The following ERBB4 variants were observed in gnomAD, a reference collection of about 807,000 sequenced individuals.
The protein encoded by ERBB4 is receptor tyrosine-protein kinase erbB-4.
In ERBB4, 42 loss-of-function variants were observed where a neutral mutation model predicts 158.0. The observed-to-expected ratio is 0.27, with a 90% CI of 0.21 to 0.34. The LOEUF (loss-of-function observed/expected upper bound fraction) is 0.34. Ranked by LOEUF, ERBB4 falls within the 10% of genes least tolerant of loss-of-function variation. The pLI is 1.00. For missense variants in ERBB4, 1,333 were observed against 1,624.1 expected (o/e 0.82, Z 3.08); for synonymous variants, 583 against 558.7 (o/e 1.04, Z -0.61).
At position 211,383,309 on chromosome 2, in the gene ERBB4, A is replaced by G. The variant is rs1047555351; in HGVS notation, c.*306T>C. ...AAGAAAAAGAAAAAGAAAAAAAGTG[A>G]CAGCTAGTTTGATAGTAGGCAGCAT... On this transcript the variant is annotated 3_prime_UTR_variant, in exon 28 of 28. Transcript: ENST00000342788. The G allele has an allele frequency of 9.4e-6, 3 of 317,622 alleles. No homozygotes were observed. The highest frequency in any genetic ancestry group is 1.7e-5 in the Non-Finnish European group (3 of 171,548). 19.7% of individuals were successfully genotyped at this position (317,622 alleles called of 1,614,324 possible). A position where few individuals can be genotyped will look rare whatever the true frequency, so the allele number is the denominator to read the frequency against.
chr2:211,472,738 C>T (rs985617967), intron 20 of ERBB4, among the ~76,000 whole-genome samples: 1 of 151,800 alleles, frequency 6.6e-6, no homozygotes, highest in African/African-American at 2.4e-5. Flanking sequence ...TATCTTGTTC[C>T]TTTGTTCTAG....
At position 211,644,725 on chromosome 2, in the gene ERBB4, T is replaced by C. The variant is rs149059516; in HGVS notation, c.1946+13029A>G. 1.6e-4 allele frequency among the ~76,000 whole-genome samples: 25 copies of C among 152,106 alleles called. No individual in the cohort carries two copies. In the South Asian group the frequency reaches 2.3e-3, roughly 14 times the overall value. On this transcript the variant is annotated intron_variant, in intron 16 of 27. Coordinates refer to ENST00000342788, the MANE Select transcript of ERBB4 (RefSeq NM_005235.3). Reference sequence around the variant, plus strand: ...TTGTTTATGGACATCCAGCAGAAGATCTTTTAAAATCTCTTTGTTTTGTAA... The same window carrying C: ...TTGTTTATGGACATCCAGCAGAAGACCTTTTAAAATCTCTTTGTTTTGTAA...
intron 25 of ERBB4, among the ~76,000 whole-genome samples, chr2:211,414,628 C>T (rs1009656573): frequency 2.6e-5 from 4 of 151,958 alleles, no homozygotes; most frequent in Non-Finnish European, 4.4e-5. Context: ...GATTTGGTTC[C>T]AGAATGTGAG....
At chr2:211,724,354 T>C (rs1392390542) in intron 6 of ERBB4, among the ~76,000 whole-genome samples, 1 of 151,910 alleles carries the variant, frequency 6.6e-6, no homozygotes, top group East Asian at 1.9e-4. Flanking sequence ...CTTTCTTTTT[T>C]TTTTTTTAAA....
intron 20 of ERBB4, among the ~76,000 whole-genome samples, chr2:211,462,538 T>C (rs1486315441): frequency 6.6e-6 from 1 of 152,168 alleles, no homozygotes; most frequent in African/African-American, 2.4e-5. Flanking sequence ...ACAAGTTTCA[T>C]GTGGTCCAGA....
chr2:212,094,158 G>A (rs1053322423), intron 2 of ERBB4, among the ~76,000 whole-genome samples: 5 of 151,770 alleles, frequency 3.3e-5, no homozygotes, highest in African/African-American at 1.2e-4. Flanking sequence ...TTTCACTGAT[G>A]GGGTGAACCT....
chr2:212,313,805 A>G (rs1448061929), intron 1 of ERBB4, among the ~76,000 whole-genome samples: 2 of 151,030 alleles, frequency 1.3e-5, no homozygotes, highest in African/African-American at 2.4e-5. Context: ...ATCCTTGGGT[A>G]ACATCTATTA....
chr2:212,047,626 C>T (rs925972872), intron 2 of ERBB4, among the ~76,000 whole-genome samples: 173 of 150,478 alleles, frequency 1.1e-3, no homozygotes, highest in Non-Finnish European at 1.9e-3. Flanking sequence ...GTACCCACCA[C>T]CACACTTGGC....
chr2:212,336,718 G>C (rs972294417), intron 1 of ERBB4, among the ~76,000 whole-genome samples: 2 of 152,034 alleles, frequency 1.3e-5, no homozygotes, highest in Non-Finnish European at 2.9e-5. Flanking sequence ...TAGCAGGGCT[G>C]AAATTTGAAT....
intron 3 of ERBB4, among the ~76,000 whole-genome samples, chr2:211,925,376 CTTTTTT>C (rs71054150): frequency 6.1e-5 from 5 of 81,574 alleles, no homozygotes; most frequent in African/African-American, 2.0e-4. Flanking sequence ...AACAAGACTG[CTTTTTT>C]TTTTTTTTTT....
rs575644450 is a variant in ERBB4, at chr2:212,062,534, A to T, written c.234+62218T>A. ...GCGATTCTCCTGCTTCAGCCTCCCG[A>T]GTAGCTGAGATTAAAGGCATGCACC... On this transcript the variant is annotated intron_variant, in intron 2 of 27. Transcript: ENST00000342788. Among the ~76,000 whole-genome samples, 39 of 148,274 alleles carry T rather than the reference A, an allele frequency of 2.6e-4. No individual in the cohort carries two copies. The South Asian group carries it at 7.2e-3, about 28-fold the overall frequency.
At chr2:211,515,526 G>T (rs2065999462) in intron 20 of ERBB4, among the ~76,000 whole-genome samples, 1 of 152,052 alleles carries the variant, frequency 6.6e-6, no homozygotes, top group Non-Finnish European at 1.5e-5. Context: ...GAGTCTAAAA[G>T]ATTAGAAAGA....
intron 1 of ERBB4, among the ~76,000 whole-genome samples, chr2:212,252,343 G>A (rs537686748): frequency 6.6e-6 from 1 of 152,208 alleles, no homozygotes; most frequent in African/African-American, 2.4e-5. Context: ...AAAGGTAGGA[G>A]GAATTTTGGT....
intron 3 of ERBB4, among the ~76,000 whole-genome samples, chr2:211,819,718 G>T (rs894997383): frequency 6.6e-6 from 1 of 151,806 alleles, no homozygotes; most frequent in Non-Finnish European, 1.5e-5. Flanking sequence ...TTAATTGTTA[G>T]GATAGTGAAA....
intron 1 of ERBB4, among the ~76,000 whole-genome samples, chr2:212,302,596 C>A (rs191159431): frequency 1.3e-5 from 2 of 151,528 alleles, no homozygotes; most frequent in East Asian, 2.0e-4. Context: ...TAAGCAATCA[C>A]CTTCTCTATT....
At chr2:211,962,085 G>C (rs1277482148) in intron 2 of ERBB4, among the ~76,000 whole-genome samples, 3 of 152,060 alleles carry the variant, frequency 2.0e-5, no homozygotes, top group African/African-American at 4.8e-5. Flanking sequence ...TAGATTGACA[G>C]TTACAAAGGA....
At chr2:212,359,820 C>T (rs889871967) in intron 1 of ERBB4, among the ~76,000 whole-genome samples, 3 of 151,434 alleles carry the variant, frequency 2.0e-5, no homozygotes, top group African/African-American at 4.8e-5. Flanking sequence ...TACATTCGCA[C>T]ATTTACCACA....
chr2:211,683,401 G>A (rs532561932), intron 12 of ERBB4, among the ~76,000 whole-genome samples: 3 of 151,944 alleles, frequency 2.0e-5, no homozygotes, highest in African/African-American at 7.2e-5. Flanking sequence ...CTATAATTTG[G>A]TAATTTTAAA....
At chr2:212,434,568 C>G (rs2092097164) in intron 1 of ERBB4, among the ~76,000 whole-genome samples, 1 of 151,810 alleles carries the variant, frequency 6.6e-6, no homozygotes, top group Non-Finnish European at 1.5e-5. Flanking sequence ...GACTTGGAAT[C>G]CACAGAGTCA....
Sources: allele counts gnomAD v4.1 joint callset (sites outside exome capture counted in the v4.1 genomes callset), GRCh38; gene constraint gnomAD v4.1.1; transcripts MANE v1.5; gene names NCBI Gene and HGNC (gene_info 2026-07-23, HGNC 2026-07-21).